GIGYF1: variants seen among roughly 807,000 people sequenced by gnomAD.
The protein encoded by GIGYF1 is GRB10 interacting GYF protein 1.
In GIGYF1, 84 loss-of-function variants were observed where a neutral mutation model predicts 147.1. The ratio of observed to expected loss-of-function variants is 0.57; its 90% CI spans 0.48 to 0.68. The LOEUF (loss-of-function observed/expected upper bound fraction) is 0.68, where lower values mean the gene tolerates loss of function less well. Among genes scored for constraint, GIGYF1 ranks in the 30% least tolerant of loss-of-function variants. GIGYF1 has a pLI of 0.00. For synonymous variants in GIGYF1, 752 were observed against 589.5 expected (o/e 1.28, Z -3.99); for missense variants, 1,485 against 1,393.7 (o/e 1.07, Z -1.04).
chr7:100,682,555 A>G, intron 23 of GIGYF1, 35 bp downstream of exon 23: 5 of 1,593,402 alleles, frequency 3.1e-6, no homozygotes, highest in Non-Finnish European at 4.3e-6. Flanking sequence ...CTTCCCCCTC[A>G]GGGCCATCCC....
intron 12 of GIGYF1, among the ~76,000 whole-genome samples, 154 bp downstream of exon 12, chr7:100,685,820 C>CT (rs1805268804): frequency 6.6e-6 from 1 of 152,196 alleles, no homozygotes; most frequent in Admixed American, 6.5e-5. Context: ...CATGGCTCTG[C>CT]TACCCCCTGG....
In GIGYF1 at chr7:100,684,227, C is replaced by A. The variant is rs755348963; in HGVS notation, c.1730+10G>T. ...GGGCCTTCTCCCAGCCCACCCCAGGCCCCCCATACCTGCTGACCAGCTGGA... is the reference window on the plus strand; with the variant it reads ...GGGCCTTCTCCCAGCCCACCCCAGGACCCCCATACCTGCTGACCAGCTGGA... On this transcript the variant is annotated intron_variant, in intron 17 of 26. Coordinates refer to ENST00000678049, the MANE Select transcript of GIGYF1 (RefSeq NM_001375765.1). The A allele has an allele frequency of 3.1e-6, 5 of 1,609,688 alleles. No individual in the cohort carries two copies. The highest frequency in any genetic ancestry group is 2.2e-5 in the South Asian group (2 of 90,782).
Position 100,683,869 on chromosome 7 carries a change from G to T in GIGYF1, c.1918C>A (p.Pro640Thr). The change falls in exon 19 of 27, where the codon CCA becomes ACA. Residue 640 changes from proline (P) to threonine (T), a missense_variant. Coordinates refer to ENST00000678049, the MANE Select transcript of GIGYF1 (RefSeq NM_001375765.1). ...ACGTCCCAGAGGCGGCCCGAATCTG[G>T]CACCGACAAGGACCGGCTCATCGTC... ...LPTMSRSLSV[P>T]DSGRLWDVHT... is the part of the protein sequence containing the mutation. 1.9e-6 allele frequency: 3 copies of T among 1,561,686 alleles called. No individual in the cohort carries two copies. The highest frequency in any genetic ancestry group is 2.4e-5 in the East Asian group (1 of 41,908).
chr7:100,688,303 A>C lies in GIGYF1; in HGVS notation c.-65T>G. ...GAGGGGACCTGGCGTTCACTGTCCA[A>C]ACACCTGTGGGGGAACAGGGGCCAT... On this transcript the variant is annotated 5_prime_UTR_variant, in exon 4 of 27. Coordinates refer to ENST00000678049, the MANE Select transcript of GIGYF1 (RefSeq NM_001375765.1). The C allele has an allele frequency of 8.2e-7, 1 of 1,212,872 alleles. No homozygotes were observed. Among genetic ancestry groups the C allele is most frequent in the Non-Finnish European group, 1.2e-6 (1 of 825,266 alleles). 75.1% of individuals were successfully genotyped at this position (1,212,872 alleles called of 1,614,324 possible).
chr7:100,684,080 T>G lies in GIGYF1; in HGVS notation c.1808A>C (p.Gln603Pro), dbSNP rs867340091. The G allele has an allele frequency of 6.2e-7, 1 of 1,606,002 alleles. No homozygotes were observed. The highest frequency in any genetic ancestry group is 8.5e-7 in the Non-Finnish European group (1 of 1,179,184). ...DLTPPPPPPP[Q>P]QQQQQLTAFL... is the part of the protein sequence containing the mutation. ...TGCCGTGAGCTGCTGCTGCTGCTGC[T>G]GTGGCGGCGGCGGTGGTGGCGGTGT... is the stretch of plus-strand genomic sequence containing the variant. The change falls in exon 18 of 27, where the codon CAG becomes CCG. Residue 603 changes from glutamine (Q) to proline (P), a missense_variant. By Grantham distance (76) the Gln-to-Pro change is moderately conservative. Transcript: ENST00000678049.
Position 100,685,348 on chromosome 7 carries a change from G to C in GIGYF1, c.1188C>G (p.Ala396=). Reference sequence around the variant, plus strand: ...TAGGCCATCCTCCCTTCCTACCTTCGGCCGCTGGGGGCTCTTTCTCTGCAG... The same window carrying C: ...TAGGCCATCCTCCCTTCCTACCTTCCGCCGCTGGGGGCTCTTTCTCTGCAG... ...DETAEKEPPA[A]EDDIRGIQLS... is the part of the protein sequence containing the mutation. Residue 396 remains alanine, a synonymous_variant, in exon 13 of 27, where the codon GCC becomes GCG. Coordinates refer to ENST00000678049, the MANE Select transcript of GIGYF1 (RefSeq NM_001375765.1). 1 of 1,595,164 alleles carries C rather than the reference G, an allele frequency of 6.3e-7. No homozygotes were observed. Among genetic ancestry groups the C allele is most frequent in the Non-Finnish European group, 8.5e-7 (1 of 1,174,242 alleles).
chr7:100,686,747 C>G lies in GIGYF1; in HGVS notation c.596G>C (p.Arg199Pro). 1 of 1,613,968 alleles carries G rather than the reference C, an allele frequency of 6.2e-7. No homozygotes were observed. Among genetic ancestry groups the G allele is most frequent in the Non-Finnish European group, 8.5e-7 (1 of 1,179,994 alleles). The change falls in exon 10 of 27, where the codon CGC becomes CCC. Residue 199 changes from arginine (R) to proline (P), a missense_variant. By Grantham distance (103) the Arg-to-Pro change is moderately radical. Coordinates refer to ENST00000678049, the MANE Select transcript of GIGYF1 (RefSeq NM_001375765.1). ...CTCCTCCTGTTCCTCCCGTAGGGAG[C>G]GCCAGTTCTCGCTGTCTGAGCGGGC... Reference protein sequence around the residue: ...EHARSDSENWRSLREEQEEEE... With the variant: ...EHARSDSENWPSLREEQEEEE...
chr7:100,686,047 C>T lies in GIGYF1; in HGVS notation c.981G>A (p.Gln327=), dbSNP rs188193158. 5.7e-5 allele frequency: 92 copies of T among 1,612,854 alleles called. No individual in the cohort carries two copies. The highest frequency in any genetic ancestry group is 7.5e-5 in the Non-Finnish European group (89 of 1,179,944). ...CCTCCAACCCTTGGAAGTCCAGCTCCTGCTCCTCAGGAATGGGCTCCTTGG... is the reference window on the plus strand; with the variant it reads ...CCTCCAACCCTTGGAAGTCCAGCTCTTGCTCCTCAGGAATGGGCTCCTTGG... ...KGPKEPIPEE[Q]ELDFQGLEEE... Residue 327 remains glutamine (Q), a synonymous_variant, in exon 12 of 27, where the codon CAG becomes CAA. Transcript: ENST00000678049.
Position 100,682,577 on chromosome 7 carries a change from G to C in GIGYF1, c.2600+13C>G, listed in dbSNP as rs770254421. 6.3e-7 allele frequency: 1 copy of C among 1,592,482 alleles called. No homozygotes were observed. The highest frequency in any genetic ancestry group is 8.5e-7 in the Non-Finnish European group (1 of 1,172,986). ...CTCAGGGCCATCCCGGAGCCTCCAGGTGCCACGCCCACCTGAGAGATGGGC... is the reference window on the plus strand; with the variant it reads ...CTCAGGGCCATCCCGGAGCCTCCAGCTGCCACGCCCACCTGAGAGATGGGC... On this transcript the variant is annotated intron_variant, in intron 23 of 26. Transcript: ENST00000678049.
In GIGYF1 at chr7:100,684,103, T is replaced by C. The variant is rs1805079300; in HGVS notation, c.1785A>G (p.Thr595=). 6.2e-7 allele frequency: 1 copy of C among 1,605,690 alleles called. No individual in the cohort carries two copies. The highest frequency in any genetic ancestry group is 8.5e-7 in the Non-Finnish European group (1 of 1,179,408). Residue 595 remains threonine, a synonymous_variant, in exon 18 of 27, where the codon ACA becomes ACG. Coordinates refer to ENST00000678049, the MANE Select transcript of GIGYF1 (RefSeq NM_001375765.1). The part of the protein sequence containing the change: ...LREKAALGDL[T]PPPPPPPQQQ... ...GCTGTGGCGGCGGCGGTGGTGGCGG[T>C]GTCAGGTCCCCCAGAGCTGCCTTTT...
At chr7:100,683,940 C>G in intron 18 of GIGYF1, 22 bp from the exon 19 acceptor site, 1 of 1,559,862 alleles carries the variant, frequency 6.4e-7, no homozygotes, top group Non-Finnish European at 8.7e-7. Context: ...ATTGTGGATT[C>G]TTAGGACCCC....
At chr7:100,686,154 T>C (rs759590075) in intron 11 of GIGYF1, 26 bp downstream of exon 11, 1 of 1,601,780 alleles carries the variant, frequency 6.2e-7, no homozygotes, top group Non-Finnish European at 8.5e-7. Flanking sequence ...AAGGGCAGGT[T>C]CCCACCCTCG....
intron 22 of GIGYF1, 104 bp downstream of exon 22, chr7:100,682,908 G>GCTGGGA: frequency 7.9e-7 from 1 of 1,272,780 alleles, no homozygotes; most frequent in Non-Finnish European, 1.1e-6. Context: ...CACAGGAGAG[G>GCTGGGA]CTGGGACTGG....
In GIGYF1 at chr7:100,683,049, C is replaced by A. The variant is rs1158944852; in HGVS notation, c.2375G>T (p.Arg792Leu). 1.3e-6 allele frequency: 2 copies of A among 1,567,634 alleles called. No homozygotes were observed. The highest frequency in any genetic ancestry group is 1.3e-5 in the African/African-American group (1 of 74,354). Residue 792 changes from arginine to leucine, a missense_variant, in exon 22 of 27, where the codon CGG becomes CTG. By Grantham distance (102) the Arg-to-Leu change is moderately radical (BLOSUM62 -2). Coordinates refer to ENST00000678049, the MANE Select transcript of GIGYF1 (RefSeq NM_001375765.1). ...GGGGGCCTGGGCCCGAGCTGGCTCC[C>A]GAGGTGGGGGCTGTTTGTGCAGCTG... is the stretch of plus-strand genomic sequence containing the variant. ...ERQLHKQPPP[R>L]EPARAQAPNH...
chr7:100,686,747 C>T lies in GIGYF1; in HGVS notation c.596G>A (p.Arg199His), dbSNP rs776762700. The T allele has an allele frequency of 5.0e-6, 8 of 1,613,850 alleles. No homozygotes were observed. The highest frequency in any genetic ancestry group is 3.4e-6 in the Non-Finnish European group (4 of 1,180,002). Residue 199 changes from arginine (R) to histidine (H), a missense_variant, in exon 10 of 27, where the codon CGC becomes CAC. Physicochemically the swap from Arg to His is conservative, Grantham distance 29. Transcript: ENST00000678049. ...CTCCTCCTGTTCCTCCCGTAGGGAG[C>T]GCCAGTTCTCGCTGTCTGAGCGGGC... Reference protein sequence around the residue: ...EHARSDSENWRSLREEQEEEE... With the variant: ...EHARSDSENWHSLREEQEEEE...
At position 100,685,090 on chromosome 7, in the gene GIGYF1, C is replaced by T. The variant is rs759049480; in HGVS notation, c.1249G>A (p.Gly417Arg). ...AAGCCTTCATCATCCTCCAGATCTC[C>T]GGGTGGGCCAGCAGAGGAGCCCACC... ...PGVGSSAGPP[G>R]DLEDDEGLKH... Residue 417 changes from glycine to arginine, a missense_variant, in exon 14 of 27, where the codon GGA becomes AGA. By Grantham distance (125) the Gly-to-Arg change is moderately radical (BLOSUM62 -2). Coordinates refer to ENST00000678049, the MANE Select transcript of GIGYF1 (RefSeq NM_001375765.1). 2.3e-5 allele frequency: 36 copies of T among 1,579,914 alleles called. No individual in the cohort carries two copies. The highest frequency in any genetic ancestry group is 1.3e-4 in the Admixed American group (7 of 54,882).
rs371973529 is a variant in GIGYF1, at chr7:100,687,769, G to C, written c.261+19C>G. The C allele has an allele frequency of 6.2e-6, 10 of 1,606,282 alleles. No individual in the cohort carries two copies. In the African/African-American group the frequency reaches 1.3e-4, roughly 22 times the overall value. On this transcript the variant is annotated intron_variant, in intron 6 of 26. Transcript: ENST00000678049. ...CCCCTCCCAGGCTCCCGCAGCCTCA[G>C]CTCCTGGCCCGGTCCCACCTGTTCC...
intron 4 of GIGYF1, 42 bp downstream of exon 4, chr7:100,688,162 C>A: frequency 5.0e-6 from 8 of 1,609,572 alleles, no homozygotes; most frequent in Non-Finnish European, 5.1e-6. Context: ...CCTGACTGTG[C>A]TTTCTCGAAT....
chr7:100,686,657 G>T lies in GIGYF1; in HGVS notation c.686C>A (p.Ala229Asp). Residue 229 changes from alanine (A) to aspartate (D), a missense_variant, in exon 10 of 27, where the codon GCC becomes GAC. Ala to Asp is a moderately radical substitution (Grantham distance 126, BLOSUM62 -2). Transcript: ENST00000678049. Reference protein sequence around the residue: ...PRRDGDRWRSASPDGGPRSAG... With the variant: ...PRRDGDRWRSDSPDGGPRSAG... ...CCAGGCCCCAATCTCACCAGGGCTG[G>T]CGGAGCGCCAGCGGTCGCCGTCTCG... is the stretch of plus-strand genomic sequence containing the variant. 1.2e-6 allele frequency: 2 copies of T among 1,611,312 alleles called. No individual in the cohort carries two copies. The highest frequency in any genetic ancestry group is 1.7e-6 in the Non-Finnish European group (2 of 1,179,292).
Sources: gnomAD v4.1 joint callset for allele counts (sites outside exome capture counted in the v4.1 genomes callset) on GRCh38, gnomAD v4.1.1 for gene constraint, MANE v1.5 for transcripts, NCBI Gene and HGNC (gene_info 2026-07-23, HGNC 2026-07-21) for gene names.